ABI3BP: variants seen among roughly 807,000 people sequenced by gnomAD.
ABI3BP encodes the protein ABI family member 3 binding protein.
In ABI3BP, 216 loss-of-function variants were observed where a neutral mutation model predicts 268.6. The ratio of observed to expected loss-of-function variants is 0.80; its 90% CI spans 0.72 to 0.90. ABI3BP has a LOEUF of 0.90. Ranked by LOEUF, ABI3BP falls within the 40% of genes least tolerant of loss-of-function variation. The pLI is 0.00. For synonymous variants in ABI3BP, 730 were observed against 730.0 expected (o/e 1.00, Z 0.00); for missense variants, 2,090 against 2,182.4 (o/e 0.96, Z 0.84).
intron 2 of ABI3BP, among the ~76,000 whole-genome samples, chr3:100,910,096 C>T (rs1445385899): frequency 3.9e-5 from 6 of 152,130 alleles, no homozygotes; most frequent in Non-Finnish European, 7.3e-5. Flanking sequence ...AGGATGAGTT[C>T]ATGTCCTTTG....
At chr3:100,948,693 A>G (rs1224812659) in intron 1 of ABI3BP, among the ~76,000 whole-genome samples, 1 of 152,162 alleles carries the variant, frequency 6.6e-6, no homozygotes, top group Non-Finnish European at 1.5e-5. Flanking sequence ...CCCTGCATTC[A>G]CTTTTTAACT....
intron 1 of ABI3BP, among the ~76,000 whole-genome samples, chr3:100,943,830 A>G (rs888308477): frequency 2.0e-5 from 3 of 152,082 alleles, no homozygotes; most frequent in Non-Finnish European, 4.4e-5. Context: ...TTTTGATTGT[A>G]CTATTTTTAA....
At chr3:100,962,030 A>G (rs1350618196) in intron 1 of ABI3BP, among the ~76,000 whole-genome samples, 4 of 152,200 alleles carry the variant, frequency 2.6e-5, no homozygotes, top group Non-Finnish European at 5.9e-5. Context: ...CTACTAGAGA[A>G]CATCAAATAG....
intron 30 of ABI3BP, 119 bp downstream of exon 30, chr3:100,833,006 G>C (rs1356920140): frequency 1.2e-6 from 1 of 832,182 alleles, no homozygotes; most frequent in African/African-American, 1.8e-5. Context: ...TCCATATTTT[G>C]AGATGAATAC....
At chr3:100,840,227 T>C in intron 22 of ABI3BP, 63 bp from the exon 23 acceptor site, 1 of 1,243,988 alleles carries the variant, frequency 8.0e-7, no homozygotes, top group Non-Finnish European at 1.1e-6. Context: ...ATGATAAATA[T>C]TACATCCATC....
chr3:100,793,725 A>C (rs747449651), intron 54 of ABI3BP, among the ~76,000 whole-genome samples: 14 of 151,996 alleles, frequency 9.2e-5, no homozygotes, highest in Non-Finnish European at 1.8e-4. Flanking sequence ...TTCAGTAGAT[A>C]CCCACAAAGG....
chr3:100,940,786 CTATATA>C (rs1167503911), intron 1 of ABI3BP, among the ~76,000 whole-genome samples: 252 of 10,140 alleles, frequency 0.025, 6 homozygotes, highest in Middle Eastern at 0.071. Context: ...AATTACTTCA[CTATATA>C]TATATATATA....
chr3:100,955,684 G>A (rs1036304565), intron 1 of ABI3BP, among the ~76,000 whole-genome samples: 1 of 152,080 alleles, frequency 6.6e-6, no homozygotes, highest in Admixed American at 6.5e-5. Context: ...AAATCTGCAA[G>A]GAAGGTTGGT....
At chr3:100,802,596 C>T (rs759684325) in intron 51 of ABI3BP, among the ~76,000 whole-genome samples, 5 of 152,030 alleles carry the variant, frequency 3.3e-5, no homozygotes, top group Non-Finnish European at 7.4e-5. Flanking sequence ...AAGGCCTCAC[C>T]GGATGAAGCT....
chr3:100,957,806 A>C (rs565365773), intron 1 of ABI3BP, among the ~76,000 whole-genome samples: 2 of 152,330 alleles, frequency 1.3e-5, no homozygotes, highest in Non-Finnish European at 2.9e-5. Flanking sequence ...TGATGCAGGG[A>C]AATTGTGAGG....
At chr3:100,841,717 TG>T (rs931759903) in intron 21 of ABI3BP, among the ~76,000 whole-genome samples, 2 of 151,926 alleles carry the variant, frequency 1.3e-5, no homozygotes, top group Non-Finnish European at 2.9e-5. Context: ...GGTGAAACCC[TG>T]TCTCTACTAA....
intron 18 of ABI3BP, among the ~76,000 whole-genome samples, chr3:100,848,106 C>T (rs2098794669): frequency 1.3e-5 from 2 of 152,116 alleles, no homozygotes; most frequent in Non-Finnish European, 2.9e-5. Context: ...TGTAAATGTA[C>T]GTTGTGCTGT....
intron 10 of ABI3BP, 91 bp from the exon 11 acceptor site, chr3:100,864,998 G>T: frequency 4.1e-6 from 4 of 969,910 alleles, no homozygotes; most frequent in Non-Finnish European, 6.3e-6. Context: ...TAGAATTAGT[G>T]GCTGATATTT....
At position 100,750,486 on chromosome 3, in the gene ABI3BP, G is replaced by A. The variant is rs368229354; in HGVS notation, c.*9C>T. On this transcript the variant is annotated 3_prime_UTR_variant, in exon 68 of 68. Coordinates refer to ENST00000471714, the MANE Select transcript of ABI3BP (RefSeq NM_001375547.2). ...CAATGATGAAACAGAAGGTAACTTT[G>A]TGCAGCATCTACCATTTTCCAGGAA... 1.0e-5 allele frequency: 16 copies of A among 1,593,838 alleles called. No homozygotes were observed. In the African/African-American group the frequency reaches 2.2e-4, roughly 21 times the overall value.
At chr3:100,794,181 T>C (rs1404355432) in intron 54 of ABI3BP, among the ~76,000 whole-genome samples, 1 of 152,056 alleles carries the variant, frequency 6.6e-6, no homozygotes, top group Non-Finnish European at 1.5e-5. Context: ...GTTCAACATG[T>C]TGCTCTTTTC....
chr3:100,895,737 T>C (rs2047382803), intron 4 of ABI3BP, among the ~76,000 whole-genome samples: 1 of 152,232 alleles, frequency 6.6e-6, no homozygotes, highest in African/African-American at 2.4e-5. Flanking sequence ...TTTTAGCTAT[T>C]ATTGCTTATG....
At chr3:100,821,671 C>T (rs926156945) in intron 38 of ABI3BP, among the ~76,000 whole-genome samples, 1 of 145,712 alleles carries the variant, frequency 6.9e-6, no homozygotes, top group African/African-American at 2.6e-5. Context: ...GGCGCGATCT[C>T]GGCTCACTGC....
intron 56 of ABI3BP, among the ~76,000 whole-genome samples, chr3:100,788,558 T>C (rs1385321559): frequency 2.0e-5 from 3 of 152,088 alleles, no homozygotes; most frequent in Non-Finnish European, 4.4e-5. Flanking sequence ...TGATTGTTAC[T>C]ACTTAGTTTT....
chr3:100,806,290 CCAA>C (rs1560275555), intron 50 of ABI3BP, among the ~76,000 whole-genome samples: 4 of 152,088 alleles, frequency 2.6e-5, no homozygotes, highest in South Asian at 2.1e-4. Context: ...ATATTACAGC[CCAA>C]CAACAATAGT....
Sources: allele counts gnomAD v4.1 joint callset (sites outside exome capture counted in the v4.1 genomes callset), GRCh38; gene constraint gnomAD v4.1.1; transcripts MANE v1.5; gene names NCBI Gene and HGNC (gene_info 2026-07-23, HGNC 2026-07-21).